ELP4: variants seen among roughly 807,000 people sequenced by gnomAD.
ELP4 encodes elongator complex protein 4.
Under a neutral mutation model 48.9 loss-of-function variants are expected in ELP4, and 51 were observed. That is an observed-to-expected ratio of 1.04 (90% CI 0.83 to 1.32). The LOEUF (loss-of-function observed/expected upper bound fraction) is 1.32. Among genes scored for constraint, ELP4 ranks in the 40% most tolerant of loss-of-function variants. ELP4 has a pLI of 0.00. For synonymous variants in ELP4, 210 were observed against 189.2 expected, an observed-to-expected ratio of 1.11 and a Z score of -0.90; for missense variants, 519 against 514.6, an observed-to-expected ratio of 1.01 and a Z score of -0.08.
chr11:31,657,457 A>T (rs1329026244), intron 9 of ELP4, among the ~76,000 whole-genome samples: 1 of 152,066 alleles, frequency 6.6e-6, no homozygotes, highest in Non-Finnish European at 1.5e-5. Context: ...GCTCCACAAG[A>T]GTAAGGACAT....
At chr11:31,573,225 C>T (rs1957215486) in intron 3 of ELP4, among the ~76,000 whole-genome samples, 1 of 152,158 alleles carries the variant, frequency 6.6e-6, no homozygotes, top group Non-Finnish European at 1.5e-5. Flanking sequence ...GTCTGTCTCC[C>T]TACCACCACT....
intron 9 of ELP4, among the ~76,000 whole-genome samples, chr11:31,728,656 A>G (rs1947125670): frequency 6.6e-6 from 1 of 152,168 alleles, no homozygotes; most frequent in South Asian, 2.1e-4. Flanking sequence ...TTGCTGGGCA[A>G]TAGACAACAC....
intron 9 of ELP4, among the ~76,000 whole-genome samples, chr11:31,716,457 A>G (rs1946843976): frequency 6.6e-6 from 1 of 152,208 alleles, no homozygotes; most frequent in South Asian, 2.1e-4. Context: ...AATGGGGATA[A>G]ATATAGTTTC....
At chr11:31,531,567 C>G (rs988057800) in intron 2 of ELP4, among the ~76,000 whole-genome samples, 2 of 152,140 alleles carry the variant, frequency 1.3e-5, no homozygotes, top group African/African-American at 4.8e-5. Flanking sequence ...GGAATTTATA[C>G]AAGGGTCCTG....
At chr11:31,735,862 A>G (rs1482029152) in intron 9 of ELP4, among the ~76,000 whole-genome samples, 7 of 152,160 alleles carry the variant, frequency 4.6e-5, no homozygotes, top group African/African-American at 7.2e-5. Context: ...CATGCTCATG[A>G]GTAGGAAGAA....
At chr11:31,522,859 CT>C (rs1161716080) in intron 2 of ELP4, among the ~76,000 whole-genome samples, 468 of 137,952 alleles carry the variant, frequency 3.4e-3, no homozygotes, top group Middle Eastern at 0.011. Flanking sequence ...AAGTTCTCCA[CT>C]TTTTTTTTTT....
At position 31,520,202 on chromosome 11, in the gene ELP4, TTAAGA is replaced by T. The variant is rs1179517144; in HGVS notation, c.259+115_259+119del. 6 of 865,946 alleles carry T rather than the reference TTAAGA, an allele frequency of 6.9e-6. No individual in the cohort carries two copies. In the African/African-American group the frequency reaches 1.0e-4, roughly 15 times the overall value. 53.6% of individuals were successfully genotyped at this position (865,946 alleles called of 1,614,324 possible). On this transcript the variant is annotated intron_variant, in intron 2 of 9. Transcript: ENST00000640961. ...ATTTAAATCACTAACACGACAGAAG[TTAAGA>T]TAAATTAGAGAGGAATTGACTTAAG...
chr11:31,623,028 A>G (rs1488983351), intron 5 of ELP4, among the ~76,000 whole-genome samples: 1 of 128,196 alleles, frequency 7.8e-6, no homozygotes, highest in African/African-American at 2.5e-5. Context: ...AAAATAGATC[A>G]TTATAATATA....
At chr11:31,692,939 A>G (rs925822224) in intron 9 of ELP4, among the ~76,000 whole-genome samples, 5 of 152,104 alleles carry the variant, frequency 3.3e-5, no homozygotes, top group African/African-American at 1.2e-4. Flanking sequence ...TAACCACACT[A>G]GATTGCAATT....
At chr11:31,533,787 A>G (rs909763043) in intron 2 of ELP4, among the ~76,000 whole-genome samples, 1 of 152,062 alleles carries the variant, frequency 6.6e-6, no homozygotes, top group African/African-American at 2.4e-5. Flanking sequence ...CAAAGAAATA[A>G]GAGACAGTTA....
chr11:31,573,673 G>C (rs530105813), intron 3 of ELP4: 4 of 152,178 alleles, frequency 2.6e-5, no homozygotes, highest in Non-Finnish European at 5.9e-5. Context: ...TTTAAACTTA[G>C]TTATTTTCAA....
Position 31,741,235 on chromosome 11 carries a change from C to G in ELP4, c.1144-42158C>G, listed in dbSNP as rs1186647728. Among the ~76,000 whole-genome samples, 5 of 152,256 alleles carry G rather than the reference C, an allele frequency of 3.3e-5. No individual in the cohort carries two copies. In the South Asian group the frequency reaches 8.3e-4, roughly 25 times the overall value. On this transcript the variant is annotated intron_variant, in intron 9 of 9. Coordinates refer to ENST00000640961, the MANE Select transcript of ELP4 (RefSeq NM_019040.5). Reference sequence around the variant, plus strand: ...CGAGTTAGTTGTTTGATTAGGTAAACAAAGCGGCCGGTAAGCTGGAACTGG... The same window carrying G: ...CGAGTTAGTTGTTTGATTAGGTAAAGAAAGCGGCCGGTAAGCTGGAACTGG...
chr11:31,651,898 TTAC>T (rs1945327067), intron 9 of ELP4: 1 of 151,728 alleles, frequency 6.6e-6, no homozygotes, highest in South Asian at 2.1e-4. Context: ...TCATTGAGTC[TTAC>T]TGGGAGTTGA....
chr11:31,536,277 A>T (rs1956500168), intron 2 of ELP4, among the ~76,000 whole-genome samples: 1 of 152,076 alleles, frequency 6.6e-6, no homozygotes, highest in African/African-American at 2.4e-5. Context: ...GTAAGTACCC[A>T]AGAGTAGAAT....
chr11:31,740,991 C>T (rs904192055), intron 9 of ELP4, among the ~76,000 whole-genome samples: 1 of 152,186 alleles, frequency 6.6e-6, no homozygotes, highest in Non-Finnish European at 1.5e-5. Context: ...CTTTCCTAGT[C>T]AAAGAAAGCG....
chr11:31,596,113 T>G (rs1338220700), intron 4 of ELP4, among the ~76,000 whole-genome samples: 1 of 152,130 alleles, frequency 6.6e-6, no homozygotes, highest in African/African-American at 2.4e-5. Context: ...TTAAAATACA[T>G]CTTTCTCTGG....
intron 9 of ELP4, among the ~76,000 whole-genome samples, chr11:31,697,694 G>C (rs1051462759): frequency 3.3e-5 from 5 of 152,050 alleles, no homozygotes; most frequent in African/African-American, 1.2e-4. Context: ...TGGAATTATT[G>C]TCCACTATTA....
chr11:31,747,305 G>C (rs1025149702), intron 9 of ELP4, among the ~76,000 whole-genome samples: 1 of 152,100 alleles, frequency 6.6e-6, no homozygotes, highest in Non-Finnish European at 1.5e-5. Context: ...CTCTTAGGAA[G>C]GGTGATGTGA....
chr11:31,735,494 G>C (rs1488941275), intron 9 of ELP4, among the ~76,000 whole-genome samples: 1 of 152,150 alleles, frequency 6.6e-6, no homozygotes, highest in Non-Finnish European at 1.5e-5. Context: ...GCAAGAGAAG[G>C]AAATACAGGG....
Sources: allele counts gnomAD v4.1 joint callset (sites outside exome capture counted in the v4.1 genomes callset), GRCh38; gene constraint gnomAD v4.1.1; transcripts MANE v1.5; gene names NCBI Gene and HGNC (gene_info 2026-07-23, HGNC 2026-07-21).